SIN3A: variants seen among roughly 807,000 people sequenced by gnomAD.
The protein encoded by SIN3A is paired amphipathic helix protein Sin3a.
In SIN3A, 14 loss-of-function variants were observed where a neutral mutation model predicts 146.1. That is an observed-to-expected ratio of 0.10 (90% CI 0.06 to 0.15). The LOEUF (loss-of-function observed/expected upper bound fraction) is 0.15. SIN3A is among the 10% of genes least tolerant of loss of function. The pLI, the probability that SIN3A is intolerant of heterozygous loss-of-function variation, is 1.00. For synonymous variants in SIN3A, 572 were observed against 572.0 expected (o/e 1.00, Z 0.00); for missense variants, 1,028 against 1,576.0 (o/e 0.65, Z 5.89).
In SIN3A at chr15:75,384,292, T is replaced by C. The variant is rs1310819402; in HGVS notation, c.3167A>G (p.Gln1056Arg). 1.9e-6 allele frequency: 3 copies of C among 1,613,072 alleles called. No individual in the cohort carries two copies. The East Asian group carries it at 6.7e-5, about 36-fold the overall frequency. The part of the protein sequence containing the change: ...LESTYQRKAE[Q>R]LMSDENCFKL... ...AAAGCAATTCTCATCTGACATTAGCTGCTCAGCTTTCCGCTGATACGTTGA... is the reference window on the plus strand; with the variant it reads ...AAAGCAATTCTCATCTGACATTAGCCGCTCAGCTTTCCGCTGATACGTTGA... The change falls in exon 17 of 21, where the codon CAG becomes CGG. Residue 1056 changes from glutamine (Q) to arginine (R), a missense_variant. By Grantham distance (43) the Gln-to-Arg change is conservative. This residue lies in a region of SIN3A where 488 missense variants were observed against 690.2 expected (regional missense o/e 0.71). Coordinates refer to ENST00000394947, the MANE Select transcript of SIN3A (RefSeq NM_001145358.2).
intron 9 of SIN3A, among the ~76,000 whole-genome samples, chr15:75,404,131 AGT>A (rs1187441482): frequency 6.6e-6 from 1 of 152,214 alleles, no homozygotes; most frequent in East Asian, 1.9e-4. Flanking sequence ...CACCAAACCA[AGT>A]GGCTTATCAG....
At position 75,375,782 on chromosome 15, in the gene SIN3A, A is replaced by T; in HGVS notation, c.3474T>A (p.Asn1158Lys). ...ACTCCAGCTTATCCAGACTATCCACATTCTCCATGGTCTTCTTGCTGTTTC... is the reference window on the plus strand; with the variant it reads ...ACTCCAGCTTATCCAGACTATCCACTTTCTCCATGGTCTTCTTGCTGTTTC... ...KEGNSKKTME[N>K]VDSLDKLECR... Residue 1158 changes from asparagine (N) to lysine (K), a missense_variant, in exon 20 of 21, where the codon AAT becomes AAA. By Grantham distance (94) the Asn-to-Lys change is moderately conservative. Transcript: ENST00000394947. 6.2e-7 allele frequency: 1 copy of T among 1,614,064 alleles called. No individual in the cohort carries two copies. The highest frequency in any genetic ancestry group is 8.5e-7 in the Non-Finnish European group (1 of 1,180,004).
chr15:75,376,440 A>G (rs919699437), intron 19 of SIN3A: 1 of 155,816 alleles, frequency 6.4e-6, no homozygotes, highest in Non-Finnish European at 1.4e-5. Context: ...GCCATTCTAC[A>G]TACACAAGAA....
intron 19 of SIN3A, among the ~76,000 whole-genome samples, chr15:75,380,404 C>T (rs912836923): frequency 8.5e-5 from 13 of 152,192 alleles, no homozygotes; most frequent in Non-Finnish European, 1.6e-4. Flanking sequence ...ATCCAAAGTA[C>T]GGAGGTTATT....
chr15:75,412,895 A>G lies in SIN3A; in HGVS notation c.624T>C (p.Val208=), dbSNP rs758937437. ...DMVNVTTPGQ[V]HQIPTHGIQP... The stretch of plus-strand genomic sequence containing the variant: ...GGATGCCATGGGTGGGAATCTGATG[A>G]ACCTGGCCAGGAGTTGTCACATTCA... Residue 208 remains valine, a synonymous_variant, in exon 5 of 21, where the codon GTT becomes GTC. Transcript: ENST00000394947. 3.7e-5 allele frequency: 59 copies of G among 1,613,826 alleles called. No individual in the cohort carries two copies. The highest frequency in any genetic ancestry group is 1.6e-4 in the Middle Eastern group (1 of 6,078).
chr15:75,443,681 C>T (rs1024540197), intron 1 of SIN3A: 70 of 152,330 alleles, frequency 4.6e-4, no homozygotes, highest in African/African-American at 1.6e-3. Flanking sequence ...CGCCACTGCA[C>T]TCCAGCCTGG....
At chr15:75,393,561 G>A (rs1365921553) in intron 14 of SIN3A, among the ~76,000 whole-genome samples, 4 of 152,090 alleles carry the variant, frequency 2.6e-5, no homozygotes, top group Non-Finnish European at 5.9e-5. Flanking sequence ...TTTTAGTAGA[G>A]ATGAGGTTTC....
chr15:75,419,072 G>C (rs1217766918), intron 3 of SIN3A: 1 of 152,130 alleles, frequency 6.6e-6, no homozygotes, highest in Non-Finnish European at 1.5e-5. Context: ...ACAAATGGCT[G>C]TTTAAGAGTT....
rs546229127 is a variant in SIN3A at position 75,371,868 on chromosome 15, G to C, written c.*111C>G. On this transcript the variant is annotated 3_prime_UTR_variant, in exon 21 of 21. Coordinates refer to ENST00000394947, the MANE Select transcript of SIN3A (RefSeq NM_001145358.2). ...ACAGGTCAGGTGGCCATGTCCCAGAGAGGCCCAGTGAGGCTTGAAAGGCAT... is the reference window on the plus strand; with the variant it reads ...ACAGGTCAGGTGGCCATGTCCCAGACAGGCCCAGTGAGGCTTGAAAGGCAT... 16 of 947,482 alleles carry C rather than the reference G, an allele frequency of 1.7e-5. No individual in the cohort carries two copies. The highest frequency in any genetic ancestry group is 9.7e-6 in the Non-Finnish European group (6 of 617,506). 58.7% of individuals were successfully genotyped at this position (947,482 alleles called of 1,614,324 possible). A position where few individuals can be genotyped will look rare whatever the true frequency, so the allele number is the denominator to read the frequency against.
intron 3 of SIN3A, chr15:75,420,388 T>C (rs1180585770): frequency 1.3e-5 from 2 of 152,130 alleles, no homozygotes; most frequent in Non-Finnish European, 2.9e-5. Context: ...TCTTTTTTTT[T>C]GTTTGTTTTT....
chr15:75,389,519 C>T (rs2073157899), intron 16 of SIN3A, 133 bp downstream of exon 16: 2 of 814,910 alleles, frequency 2.5e-6, no homozygotes, highest in Non-Finnish European at 3.9e-6. Flanking sequence ...ACATTAACCT[C>T]CCCTCCTCTC....
chr15:75,396,357 T>C lies in SIN3A; in HGVS notation c.1994A>G (p.His665Arg), dbSNP rs1239927585. ...NTLGGTSEVIHRKALQRIYAD... is the reference protein window; with the variant it reads ...NTLGGTSEVIRRKALQRIYAD... Reference sequence around the variant, plus strand: ...ATATATCCTCTGGAGTGCTTTTCTATGGATGACTTCTGATGTGCCCCCAAG... The same window carrying C: ...ATATATCCTCTGGAGTGCTTTTCTACGGATGACTTCTGATGTGCCCCCAAG... The change falls in exon 13 of 21, where the codon CAT (histidine) becomes CGT (arginine). Residue 665 changes from histidine (H) to arginine (R), a missense_variant. Transcript: ENST00000394947. 6.2e-7 allele frequency: 1 copy of C among 1,614,218 alleles called. No homozygotes were observed. Among genetic ancestry groups the C allele is most frequent in the African/African-American group, 1.3e-5 (1 of 75,060 alleles).
chr15:75,403,204 C>A (rs2073444210), intron 9 of SIN3A, among the ~76,000 whole-genome samples: 1 of 151,734 alleles, frequency 6.6e-6, no homozygotes, highest in Non-Finnish European at 1.5e-5. Flanking sequence ...GGGTGGATCA[C>A]CTGAGATCGG....
intron 8 of SIN3A, among the ~76,000 whole-genome samples, 196 bp downstream of exon 8, chr15:75,409,640 T>C (rs187006979): frequency 1.9e-4 from 29 of 151,004 alleles, no homozygotes; most frequent in Admixed American, 5.3e-4. Flanking sequence ...GACAGGAGAA[T>C]CGCTTGAACC....
chr15:75,442,299 A>G (rs2074229846), intron 1 of SIN3A, among the ~76,000 whole-genome samples: 1 of 150,840 alleles, frequency 6.6e-6, no homozygotes, highest in Non-Finnish European at 1.5e-5. Context: ...ACTATCATAC[A>G]TCTTTTTGGC....
rs1376502436 is a variant in SIN3A, at chr15:75,451,559, G to A, written c.-170C>T. ...CCAGCTACCTCTCCACTAACGAAGC[G>A]GTCACAGGCTCCGGTGCCCAGACTG... On this transcript the variant is annotated 5_prime_UTR_variant, in exon 1 of 21. Transcript: ENST00000394947. The A allele has an allele frequency of 6.9e-6, 1 of 145,672 alleles. No homozygotes were observed. 9.0% of individuals were successfully genotyped at this position (145,672 alleles called of 1,614,324 possible).
chr15:75,424,558 T>G (rs987859295), intron 2 of SIN3A, among the ~76,000 whole-genome samples: 2 of 152,014 alleles, frequency 1.3e-5, no homozygotes, highest in Admixed American at 1.3e-4. Context: ...ACTGCAGCCT[T>G]GACCTCCCCA....
intron 16 of SIN3A, among the ~76,000 whole-genome samples, chr15:75,384,989 C>A (rs939406274): frequency 6.6e-6 from 1 of 152,128 alleles, no homozygotes; most frequent in Non-Finnish European, 1.5e-5. Flanking sequence ...GCCTGGCTAA[C>A]ATGGCGAAAC....
At chr15:75,437,275 T>C (rs189092525) in intron 1 of SIN3A, among the ~76,000 whole-genome samples, 2 of 151,838 alleles carry the variant, frequency 1.3e-5, no homozygotes, top group Admixed American at 1.3e-4. Flanking sequence ...TGGGCTCAAG[T>C]AATCCTCCCA....
Sources: allele counts gnomAD v4.1 joint callset (sites outside exome capture counted in the v4.1 genomes callset), GRCh38; gene constraint gnomAD v4.1.1; regional missense constraint gnomAD v4.1.1; transcripts MANE v1.5; gene names NCBI Gene and HGNC (gene_info 2026-07-23, HGNC 2026-07-21).